Variants in TMTC2 observed in about 807,000 individuals in gnomAD.
TMTC2 encodes transmembrane O-mannosyltransferase targeting cadherins 2, also known as protein O-mannosyl-transferase TMTC2.
In TMTC2, 43 loss-of-function variants were observed where a neutral mutation model predicts 82.4. The ratio of observed to expected loss-of-function variants is 0.52; its 90% CI spans 0.41 to 0.67. The LOEUF is 0.67. TMTC2 is among the 30% of genes least tolerant of loss of function. The pLI, the probability that TMTC2 is intolerant of heterozygous loss-of-function variation, is 0.00. For synonymous variants in TMTC2, 408 were observed against 381.9 expected, an observed-to-expected ratio of 1.07 and a Z score of -0.80; for missense variants, 919 against 1,012.4, an observed-to-expected ratio of 0.91 and a Z score of 1.25.
chr12:83,044,840 A>C (rs978181008), intron 9 of TMTC2, among the ~76,000 whole-genome samples: 1 of 152,214 alleles, frequency 6.6e-6, no homozygotes, highest in African/African-American at 2.4e-5. Context: ...ATCCTGAGTG[A>C]ATTTTTATAA....
intron 1 of TMTC2, among the ~76,000 whole-genome samples, chr12:82,835,815 C>T (rs1870005754): frequency 6.6e-6 from 1 of 152,152 alleles, no homozygotes; most frequent in South Asian, 2.1e-4. Context: ...CTTCCCTCTT[C>T]CTTGACCCCC....
At chr12:82,758,624 G>T (rs1374989686) in intron 1 of TMTC2, 1 of 152,140 alleles carries the variant, frequency 6.6e-6, no homozygotes, top group Non-Finnish European at 1.5e-5. Context: ...TGTAAGTGTA[G>T]TGTAGAATGT....
intron 1 of TMTC2, among the ~76,000 whole-genome samples, chr12:82,790,906 A>G (rs934268914): frequency 2.6e-5 from 4 of 152,040 alleles, no homozygotes; most frequent in African/African-American, 9.7e-5. Context: ...CCCTTTAAAA[A>G]AGAAATATTC....
intron 3 of TMTC2, among the ~76,000 whole-genome samples, chr12:82,912,373 A>C (rs1874725073): frequency 6.6e-6 from 1 of 152,214 alleles, no homozygotes; most frequent in African/African-American, 2.4e-5. Context: ...CTTGGAAGTC[A>C]TATCATAAAG....
At chr12:83,052,868 TG>T (rs1882405154) in intron 10 of TMTC2, among the ~76,000 whole-genome samples, 1 of 152,166 alleles carries the variant, frequency 6.6e-6, no homozygotes. Flanking sequence ...CGGCTTTCTC[TG>T]GTCTGCATCC....
chr12:82,882,218 C>G (rs1268050967), intron 2 of TMTC2, among the ~76,000 whole-genome samples: 1 of 151,642 alleles, frequency 6.6e-6, no homozygotes, highest in East Asian at 1.9e-4. Context: ...CCGGGATGGT[C>G]TCGATCTCCT....
intron 5 of TMTC2, among the ~76,000 whole-genome samples, 170 bp from the exon 6 acceptor site, chr12:82,965,390 T>A (rs981635949): frequency 6.6e-6 from 1 of 152,192 alleles, no homozygotes; most frequent in Non-Finnish European, 1.5e-5. Context: ...TCTGCAGTGA[T>A]ATTTGCAGTT....
intron 7 of TMTC2, among the ~76,000 whole-genome samples, chr12:82,984,013 G>T (rs1287462511): frequency 1.3e-5 from 2 of 151,812 alleles, no homozygotes; most frequent in African/African-American, 2.4e-5. Context: ...TTTTTATAGA[G>T]ATATGAAAAT....
intron 1 of TMTC2, among the ~76,000 whole-genome samples, chr12:82,754,223 A>G (rs1020368158): frequency 1.3e-5 from 2 of 152,168 alleles, no homozygotes; most frequent in East Asian, 1.9e-4. Flanking sequence ...TTCTAGAAAT[A>G]CTGTCATTGA....
At chr12:83,115,493 A>T (rs923038777) in intron 11 of TMTC2, among the ~76,000 whole-genome samples, 15 of 152,192 alleles carry the variant, frequency 9.9e-5, no homozygotes, top group African/African-American at 3.6e-4. Flanking sequence ...ACTTTGAGAC[A>T]TCAGATATCT....
chr12:82,718,907 C>T (rs140001182), intron 1 of TMTC2, among the ~76,000 whole-genome samples: 47 of 151,620 alleles, frequency 3.1e-4, no homozygotes, highest in Admixed American at 2.0e-3. Context: ...TTTAGCCCTA[C>T]AGATACCACA....
chr12:83,066,867 G>A (rs1200685750), intron 11 of TMTC2, among the ~76,000 whole-genome samples: 3 of 151,890 alleles, frequency 2.0e-5, no homozygotes, highest in South Asian at 2.1e-4. Flanking sequence ...TTTAGACTGA[G>A]CAAATTCTGA....
Position 82,924,967 on chromosome 12 carries a change from T to C in TMTC2, c.1484-5464T>C, listed in dbSNP as rs1407507637. 1.1e-4 allele frequency among the ~76,000 whole-genome samples: 16 copies of C among 152,172 alleles called. 1 individual carries two copies. Among genetic ancestry groups the C allele is most frequent in the Admixed American group, 1.0e-3 (16 of 15,272 alleles). The stretch of plus-strand genomic sequence containing the variant: ...CCTTGCCTATCTCTGTGACTTCATC[T>C]TGACTTTCCCTCTCATTTTGCAGCC... On this transcript the variant is annotated intron_variant, in intron 3 of 11. Coordinates refer to ENST00000321196, the MANE Select transcript of TMTC2 (RefSeq NM_152588.3).
At chr12:82,750,695 C>T (rs1380703775) in intron 1 of TMTC2, among the ~76,000 whole-genome samples, 2 of 152,084 alleles carry the variant, frequency 1.3e-5, no homozygotes, top group Non-Finnish European at 2.9e-5. Flanking sequence ...TTGTTTCAGA[C>T]ACTATACAAA....
At chr12:82,981,234 A>G (rs964175445) in intron 7 of TMTC2, among the ~76,000 whole-genome samples, 1 of 151,864 alleles carries the variant, frequency 6.6e-6, no homozygotes, top group Non-Finnish European at 1.5e-5. Context: ...TACTGTCTTA[A>G]TAATAATTCC....
At position 82,918,747 on chromosome 12, in the gene TMTC2, CCT is replaced by C. The variant is rs768505977; in HGVS notation, c.1484-11666_1484-11665del. ...CTCTCTCTCTCTCTCTCTTTCTCTC[CCT>C]CTCTCTCTCTCTCTCTCCCTCTCTT... On this transcript the variant is annotated intron_variant, in intron 3 of 11. Coordinates refer to ENST00000321196, the MANE Select transcript of TMTC2 (RefSeq NM_152588.3). Among the ~76,000 whole-genome samples, 435 of 128,852 alleles carry C rather than the reference CCT, an allele frequency of 3.4e-3. 1 individual carries two copies. The highest frequency in any genetic ancestry group is 8.5e-3 in the South Asian group (32 of 3,754). 84.5% of individuals were successfully genotyped at this position (128,852 alleles called of 152,430 possible).
chr12:82,763,754 A>G (rs999564741), intron 1 of TMTC2, among the ~76,000 whole-genome samples: 16 of 152,228 alleles, frequency 1.1e-4, no homozygotes, highest in African/African-American at 3.4e-4. Context: ...AAAGTTGTCA[A>G]TGAAGTACCT....
At chr12:82,992,787 T>G (rs917052013) in intron 8 of TMTC2, among the ~76,000 whole-genome samples, 10 of 152,146 alleles carry the variant, frequency 6.6e-5, no homozygotes, top group African/African-American at 2.4e-4. Context: ...ATCTCCAAAA[T>G]CTCTCAGGCT....
chr12:83,063,569 A>G (rs561021661), intron 11 of TMTC2, among the ~76,000 whole-genome samples: 27 of 152,032 alleles, frequency 1.8e-4, no homozygotes, highest in African/African-American at 6.5e-4. Context: ...AGGGCTGAGA[A>G]GTTAATAACT....
Sources: gnomAD v4.1 joint callset for allele counts (sites outside exome capture counted in the v4.1 genomes callset) on GRCh38, gnomAD v4.1.1 for gene constraint, MANE v1.5 for transcripts, NCBI Gene and HGNC (gene_info 2026-07-23, HGNC 2026-07-21) for gene names.